Variants in SULT6B1 observed in about 807,000 individuals in gnomAD.
SULT6B1 encodes sulfotransferase family 6B member 1.
Under a neutral mutation model 37.2 loss-of-function variants are expected in SULT6B1, and 44 were observed. That is an observed-to-expected ratio of 1.18 (90% CI 0.93 to 1.52). SULT6B1 has a LOEUF of 1.52. SULT6B1 is among the 40% of genes most tolerant of loss of function. The pLI is 0.00. For synonymous variants in SULT6B1, 140 were observed against 126.0 expected (o/e 1.11, Z -0.74); for missense variants, 450 against 361.0 (o/e 1.25, Z -2.00).
intron 1 of SULT6B1, among the ~76,000 whole-genome samples, chr2:37,188,176 G>A (rs371489286): frequency 7.9e-5 from 12 of 152,140 alleles, no homozygotes; most frequent in East Asian, 7.7e-4. Flanking sequence ...TCCCTTCCAG[G>A]CCCGTCATCC....
At chr2:37,175,266 A>G (rs771739050) in intron 4 of SULT6B1, 40 bp from the exon 5 acceptor site, 12 of 1,171,392 alleles carry the variant, frequency 1.0e-5, no homozygotes, top group Non-Finnish European at 1.4e-5. Context: ...AATGTCAAAT[A>G]ACTGAGGTTA....
At chr2:37,173,699 C>G (rs1220357554) in intron 5 of SULT6B1, among the ~76,000 whole-genome samples, 2 of 152,188 alleles carry the variant, frequency 1.3e-5, no homozygotes, top group Non-Finnish European at 2.9e-5. Flanking sequence ...ACTCTCCCCT[C>G]CATCCAATTC....
chr2:37,180,261 G>A (rs952853310), intron 3 of SULT6B1, among the ~76,000 whole-genome samples: 6 of 152,182 alleles, frequency 3.9e-5, no homozygotes, highest in Admixed American at 3.9e-4. Flanking sequence ...TGAATTCCGA[G>A]GAATCTGAAA....
intron 4 of SULT6B1, among the ~76,000 whole-genome samples, chr2:37,178,709 T>C (rs1271591869): frequency 6.6e-6 from 1 of 152,236 alleles, no homozygotes; most frequent in African/African-American, 2.4e-5. Flanking sequence ...ATCAACATGT[T>C]TAACAAAAAC....
At chr2:37,194,076 T>A (rs1440653576) in intron 1 of SULT6B1, among the ~76,000 whole-genome samples, 1 of 152,242 alleles carries the variant, frequency 6.6e-6, no homozygotes, top group Non-Finnish European at 1.5e-5. Flanking sequence ...GTCTTTCTTA[T>A]AATTTCTGTT....
chr2:37,184,037 T>G (rs1189972566), intron 2 of SULT6B1, among the ~76,000 whole-genome samples: 1 of 152,240 alleles, frequency 6.6e-6, no homozygotes, highest in Non-Finnish European at 1.5e-5. Flanking sequence ...AATTTCTTTT[T>G]TGTACCCTGC....
In SULT6B1 at chr2:37,188,349, A is replaced by G. The variant is rs923927842; in HGVS notation, c.199+93T>C. 6 of 1,052,756 alleles carry G rather than the reference A, an allele frequency of 5.7e-6. No homozygotes were observed. In the Admixed American group the frequency reaches 8.7e-5, roughly 15 times the overall value. The allele number at this position is 1,052,756 out of a possible 1,614,324, so 65.2% of individuals were successfully genotyped here. A position where few individuals can be genotyped will look rare whatever the true frequency, so the allele number is the denominator to read the frequency against. The stretch of plus-strand genomic sequence containing the variant: ...ACTGATGCTCAGACAGATTCCTGCA[A>G]TGAGGAACCGCCTTCATCCCACCTT... On this transcript the variant is annotated intron_variant, in intron 1 of 6. Coordinates refer to ENST00000535679, the MANE Select transcript of SULT6B1 (RefSeq NM_001367551.1).
At position 37,188,583 on chromosome 2, in the gene SULT6B1, C is replaced by G; in HGVS notation, c.58G>C (p.Glu20Gln). The change falls in exon 1 of 7, where the codon GAA (glutamate) becomes CAA (glutamine). Residue 20 changes from glutamate to glutamine, a missense_variant. By Grantham distance (29) the Glu-to-Gln change is conservative. Coordinates refer to ENST00000535679, the MANE Select transcript of SULT6B1 (RefSeq NM_001367551.1). ...YIDEALEKSK[E>Q]TALSHLFFTY... Reference sequence around the variant, plus strand: ...AAAAATAAATGAGAGAGTGCAGTTTCTTTTGATTTTTCTAAAGCTTCGTCA... The same window carrying G: ...AAAAATAAATGAGAGAGTGCAGTTTGTTTTGATTTTTCTAAAGCTTCGTCA... 6.4e-7 allele frequency: 1 copy of G among 1,569,902 alleles called. No homozygotes were observed. The highest frequency in any genetic ancestry group is 8.8e-7 in the Non-Finnish European group (1 of 1,139,888).
At chr2:37,191,257 C>CAAAA (rs33927399), upstream of SULT6B1, 1 of 90,000 alleles carries the variant, frequency 1.1e-5, no homozygotes, top group African/African-American at 4.1e-5. Flanking sequence ...TTTTTCACTG[C>CAAAA]AAAAAAAAAA....
rs141020618 is a variant in SULT6B1 at position 37,170,231 on chromosome 2, C to A, written c.781+1203G>T. Among the ~76,000 whole-genome samples, 3 of 147,224 alleles carry A rather than the reference C, an allele frequency of 2.0e-5. No individual in the cohort carries two copies. In the South Asian group the frequency reaches 6.6e-4, roughly 32 times the overall value. ...CTGTAATCCCAGCACATTGGGAGGC[C>A]GAGAATGGGTGGATCACCTGAGGTC... On this transcript the variant is annotated intron_variant, in intron 6 of 6. Transcript: ENST00000535679.
chr2:37,174,911 CT>C (rs1676380524), intron 5 of SULT6B1, among the ~76,000 whole-genome samples: 1 of 152,118 alleles, frequency 6.6e-6, no homozygotes, highest in African/African-American at 2.4e-5. Context: ...AAAGCAGTCA[CT>C]TTTAGTAATA....
intron 5 of SULT6B1, among the ~76,000 whole-genome samples, chr2:37,172,513 C>CT (rs796719619): frequency 4.0e-4 from 59 of 147,588 alleles, no homozygotes; most frequent in South Asian, 6.4e-4. Context: ...TTAAATCTCA[C>CT]TTTTTTTTTT....
Position 37,183,488 on chromosome 2 carries a change from C to T in SULT6B1, c.339G>A (p.Arg113=), listed in dbSNP as rs774148547. 8.7e-6 allele frequency: 14 copies of T among 1,613,892 alleles called. No individual in the cohort carries two copies. Among genetic ancestry groups the T allele is most frequent in the Non-Finnish European group, 1.2e-5 (14 of 1,179,972 alleles). The change falls in exon 3 of 7, where the codon AGG becomes AGA. Residue 113 remains arginine (R), a synonymous_variant. Transcript: ENST00000535679. The stretch of plus-strand genomic sequence containing the variant: ...CATAGTGGAGGTGAGTTGCCAAAAT[C>T]CTTGGTGATGGAAAGCCTTTCATTC... ...YQRMKGFPSP[R]ILATHLHYDK...
intron 5 of SULT6B1, among the ~76,000 whole-genome samples, chr2:37,173,013 C>T (rs1676339397): frequency 6.6e-6 from 1 of 151,538 alleles, no homozygotes; most frequent in Admixed American, 6.6e-5. Flanking sequence ...CCACCACACC[C>T]AGCTAATTTT....
chr2:37,167,870 A>T lies in SULT6B1; in HGVS notation c.*65T>A. 7.4e-7 allele frequency: 1 copy of T among 1,351,768 alleles called. No individual in the cohort carries two copies. Among genetic ancestry groups the T allele is most frequent in the South Asian group, 1.6e-5 (1 of 63,574 alleles). The allele number at this position is 1,351,768 out of a possible 1,614,324, so 83.7% of individuals were successfully genotyped here. On this transcript the variant is annotated 3_prime_UTR_variant, in exon 7 of 7. Coordinates refer to ENST00000535679, the MANE Select transcript of SULT6B1 (RefSeq NM_001367551.1). ...TATTTGATTATTTGATTGAATTATC[A>T]TTTAATTATTTACACTTAATTATTA...
intron 4 of SULT6B1, among the ~76,000 whole-genome samples, chr2:37,177,245 T>A: frequency 6.6e-6 from 1 of 150,860 alleles, no homozygotes; most frequent in East Asian, 1.9e-4. Context: ...GGCAATATAG[T>A]GAGGCCCCAT....
chr2:37,167,837 T>C lies in SULT6B1; in HGVS notation c.*98A>G. The C allele has an allele frequency of 9.6e-7, 1 of 1,042,632 alleles. No individual in the cohort carries two copies. Among genetic ancestry groups the C allele is most frequent in the Non-Finnish European group, 1.3e-6 (1 of 777,090 alleles). The allele number at this position is 1,042,632 out of a possible 1,614,324, so 64.6% of individuals were successfully genotyped here. On this transcript the variant is annotated 3_prime_UTR_variant, in exon 7 of 7. Transcript: ENST00000535679. ...TGTATTATTTAGATTTCAATATTGT[T>C]TAATTATTATTTGATTATTTGATTG... is the stretch of plus-strand genomic sequence containing the variant.
chr2:37,191,376 G>A (rs1449144941), upstream of SULT6B1: 1 of 152,140 alleles, frequency 6.6e-6, no homozygotes, highest in Non-Finnish European at 1.5e-5. Context: ...GCCTGGGCCT[G>A]GCTCAGCCTG....
intron 3 of SULT6B1, among the ~76,000 whole-genome samples, chr2:37,181,932 G>T (rs1191693800): frequency 6.6e-6 from 1 of 152,190 alleles, no homozygotes; most frequent in Non-Finnish European, 1.5e-5. Flanking sequence ...GGATACTGGA[G>T]ATCTTTATCA....
Sources: gnomAD v4.1 joint callset for allele counts (sites outside exome capture counted in the v4.1 genomes callset) on GRCh38, gnomAD v4.1.1 for gene constraint, MANE v1.5 for transcripts, NCBI Gene and HGNC (gene_info 2026-07-23, HGNC 2026-07-21) for gene names.